Variants in COL23A1 observed in about 807,000 individuals in gnomAD.
COL23A1 encodes the protein collagen type XXIII alpha 1 chain.
COL23A1 carries 97 observed loss-of-function variants against 99.3 expected under a neutral mutation model. The ratio of observed to expected loss-of-function variants is 0.98; its 90% CI spans 0.83 to 1.16. COL23A1 has a LOEUF of 1.16. Ranked by LOEUF, COL23A1 falls within the 50% of genes most tolerant of loss-of-function variation. The probability of loss-of-function intolerance (pLI) is 0.00; values close to 1 mark genes in which losing one functional copy is unlikely to be tolerated. For synonymous variants in COL23A1, 320 were observed against 308.2 expected (o/e 1.04, Z -0.40); for missense variants, 762 against 757.4 (o/e 1.01, Z -0.07).
intron 2 of COL23A1, among the ~76,000 whole-genome samples, chr5:178,441,420 T>C (rs1766858914): frequency 6.6e-6 from 1 of 152,074 alleles, no homozygotes. Flanking sequence ...GGCTGCGTAA[T>C]TTGCAAAATC....
intron 2 of COL23A1, among the ~76,000 whole-genome samples, chr5:178,507,063 T>C (rs1758913624): frequency 6.6e-6 from 1 of 152,246 alleles, no homozygotes; most frequent in Non-Finnish European, 1.5e-5. Context: ...TTTCTGTTTG[T>C]AGCCTTGTGG....
intron 2 of COL23A1, among the ~76,000 whole-genome samples, chr5:178,322,598 C>G (rs1255291166): frequency 2.2e-5 from 1 of 45,758 alleles, no homozygotes; most frequent in African/African-American, 1.8e-4. Context: ...CTGGCTCCTG[C>G]CTGGGGGTCC....
chr5:178,580,625 G>T (rs1050836780), intron 1 of COL23A1, among the ~76,000 whole-genome samples: 7 of 152,214 alleles, frequency 4.6e-5, no homozygotes, highest in African/African-American at 1.7e-4. Flanking sequence ...GTGGTGTGTG[G>T]CCTCTGGAGA....
At chr5:178,528,680 C>T (rs941830234) in intron 2 of COL23A1, among the ~76,000 whole-genome samples, 9 of 152,210 alleles carry the variant, frequency 5.9e-5, no homozygotes, top group African/African-American at 1.4e-4. Context: ...CATAGTGGCA[C>T]GTGCCTGTAA....
chr5:178,492,611 C>T (rs1366227623), intron 2 of COL23A1, among the ~76,000 whole-genome samples: 2 of 151,678 alleles, frequency 1.3e-5, no homozygotes, highest in Non-Finnish European at 2.9e-5. Flanking sequence ...GTGATCCATG[C>T]CACAACGCAA....
At chr5:178,299,668 AT>A (rs905434455) in intron 3 of COL23A1, among the ~76,000 whole-genome samples, 2 of 146,070 alleles carry the variant, frequency 1.4e-5, no homozygotes, top group East Asian at 2.1e-4. Flanking sequence ...TGATTTTATG[AT>A]TTTTTTTTCT....
chr5:178,358,298 ATG>A (rs1561897133), intron 2 of COL23A1, among the ~76,000 whole-genome samples: 9 of 128,314 alleles, frequency 7.0e-5, no homozygotes, highest in African/African-American at 2.9e-4. Context: ...GCGTATATGT[ATG>A]TATGTATGTG....
chr5:178,550,678 G>T (rs564487), intron 2 of COL23A1, among the ~76,000 whole-genome samples: 101,118 of 151,950 alleles, frequency 0.67, 34,404 homozygotes, highest in East Asian at 0.85. Context: ...AAGCCAGATA[G>T]TATTACTGCA....
At chr5:178,240,663 C>T (rs1405011559) in intron 27 of COL23A1, among the ~76,000 whole-genome samples, 4 of 152,248 alleles carry the variant, frequency 2.6e-5, no homozygotes, top group African/African-American at 7.2e-5. Context: ...CCACTTCGCT[C>T]TTCAAGTCCT....
chr5:178,590,120 G>C lies in COL23A1; in HGVS notation c.78C>G (p.Arg26=). The change falls in exon 1 of 29, where the codon CGC becomes CGG. Residue 26 remains arginine, a synonymous_variant. Transcript: ENST00000390654. This position sits in a 1 kb window ranked among gnomAD's most constrained non-coding sequence, Gnocchi z 5.7. ...GNAAGGGGGG[R]SATTAGSRAV... The stretch of plus-strand genomic sequence containing the variant: ...CCCGGGACCCGGCCGTCGTCGCCGA[G>C]CGCCCTCCGCCGCCGCCGCCCGCCG... 4.0e-6 allele frequency: 5 copies of C among 1,244,522 alleles called. No individual in the cohort carries two copies. The highest frequency in any genetic ancestry group is 7.0e-5 in the East Asian group (2 of 28,624). The allele number at this position is 1,244,522 out of a possible 1,614,324, so 77.1% of individuals were successfully genotyped here.
chr5:178,399,396 GGCTGAA>G, intron 2 of COL23A1, among the ~76,000 whole-genome samples: 1 of 152,348 alleles, frequency 6.6e-6, no homozygotes, highest in Non-Finnish European at 1.5e-5. Context: ...ATCCAGCCAT[GGCTGAA>G]GCTAGCCCAG....
At chr5:178,588,343 C>T (rs1764103338) in intron 1 of COL23A1, among the ~76,000 whole-genome samples, 1 of 152,200 alleles carries the variant, frequency 6.6e-6, no homozygotes, top group Admixed American at 6.5e-5. Flanking sequence ...ATTTGTAGTT[C>T]CTTGTAAAAT....
chr5:178,477,135 C>T (rs972120978), intron 2 of COL23A1, among the ~76,000 whole-genome samples: 1 of 152,160 alleles, frequency 6.6e-6, no homozygotes, highest in Non-Finnish European at 1.5e-5. Flanking sequence ...CAGTAAAGCG[C>T]CATAAGAGGC....
intron 2 of COL23A1, among the ~76,000 whole-genome samples, chr5:178,363,732 G>A (rs1489496992): frequency 6.6e-6 from 1 of 152,184 alleles, no homozygotes; most frequent in African/African-American, 2.4e-5. Flanking sequence ...GTCTGACACT[G>A]GCTCACTGCG....
rs1269636962 is a variant in COL23A1 at position 178,523,199 on chromosome 5, T to TAGAGAGAGAGAG, written c.361+37482_361+37483insCTCTCTCTCTCT. Among the ~76,000 whole-genome samples, 133 of 75,956 alleles carry TAGAGAGAGAGAG rather than the reference T, an allele frequency of 1.8e-3. 2 individuals carry two copies. Among genetic ancestry groups the TAGAGAGAGAGAG allele is most frequent in the Admixed American group, 7.5e-3 (44 of 5,838 alleles). 49.8% of individuals were successfully genotyped at this position (75,956 alleles called of 152,430 possible). On this transcript the variant is annotated intron_variant, in intron 2 of 28. Transcript: ENST00000390654. ...ATATACACATATATATATATATATA[T>TAGAGAGAGAGAG]ATAGAGAGAGAGAGAGAGAGAGAGA... is the stretch of plus-strand genomic sequence containing the variant.
At chr5:178,556,625 TTAAAATAAAATAAAATAAAA>T (rs374978162) in intron 2 of COL23A1, among the ~76,000 whole-genome samples, 1 of 124,470 alleles carries the variant, frequency 8.0e-6, no homozygotes, top group South Asian at 2.7e-4. Flanking sequence ...CTCTGTCAAA[TTAAAATAAAATAAAATAAAA>T]TAAAATAAAA....
chr5:178,487,279 C>A (rs1193896948), intron 2 of COL23A1, among the ~76,000 whole-genome samples: 1 of 144,982 alleles, frequency 6.9e-6, no homozygotes, highest in Middle Eastern at 3.2e-3. Flanking sequence ...GTCATGGTAC[C>A]AGCCTCAGTT....
chr5:178,472,520 G>T (rs1049975707), intron 2 of COL23A1, among the ~76,000 whole-genome samples: 5 of 152,116 alleles, frequency 3.3e-5, no homozygotes, highest in African/African-American at 1.2e-4. Flanking sequence ...GTCAGATATG[G>T]CTTATACATT....
rs1426927279 is a variant in COL23A1, at chr5:178,428,354, G to GC, written c.362-121436dup. On this transcript the variant is annotated intron_variant, in intron 2 of 28. Coordinates refer to ENST00000390654, the MANE Select transcript of COL23A1 (RefSeq NM_173465.4). This position sits in a 1 kb window ranked among gnomAD's most constrained non-coding sequence, Gnocchi z 5.0. ...CCTCTAGAACCTGCAGGACCATGGA[G>GC]CCAGCTCTTTGCACGAGGAGGAGCC... Among the ~76,000 whole-genome samples, 1 of 152,228 alleles carries GC rather than the reference G, an allele frequency of 6.6e-6. No homozygotes were observed. Among genetic ancestry groups the GC allele is most frequent in the African/African-American group, 2.4e-5 (1 of 41,466 alleles).
Sources: allele counts gnomAD v4.1 joint callset (sites outside exome capture counted in the v4.1 genomes callset), GRCh38; gene constraint gnomAD v4.1.1; non-coding constraint Gnocchi (gnomAD v3.1); transcripts MANE v1.5; gene names NCBI Gene and HGNC (gene_info 2026-07-23, HGNC 2026-07-21).